TBC1D22A: variants seen among roughly 807,000 people sequenced by gnomAD.
TBC1D22A encodes the protein putative GTPase activator.
TBC1D22A carries 38 observed loss-of-function variants against 60.2 expected under a neutral mutation model. That is an observed-to-expected ratio of 0.63 (90% CI 0.49 to 0.83). The LOEUF (loss-of-function observed/expected upper bound fraction) is 0.83. Among genes scored for constraint, TBC1D22A ranks in the 40% least tolerant of loss-of-function variants. The pLI is 0.00. For synonymous variants in TBC1D22A, 302 were observed against 281.7 expected, an observed-to-expected ratio of 1.07 and a Z score of -0.72; for missense variants, 628 against 701.0, an observed-to-expected ratio of 0.90 and a Z score of 1.18.
chr22:46,994,566 TCG>T, intron 9 of TBC1D22A, among the ~76,000 whole-genome samples: 1 of 152,328 alleles, frequency 6.6e-6, no homozygotes, highest in South Asian at 2.1e-4. Context: ...GTGGAAGAGA[TCG>T]CAGTCCCTCA....
chr22:47,136,088 T>A (rs2066860517), intron 12 of TBC1D22A, among the ~76,000 whole-genome samples: 1 of 152,176 alleles, frequency 6.6e-6, no homozygotes, highest in East Asian at 1.9e-4. Flanking sequence ...GAACCTCACG[T>A]ACGGAGGGAA....
chr22:46,915,445 A>G (rs774230914), intron 8 of TBC1D22A: 4 of 456,688 alleles, frequency 8.8e-6, no homozygotes, highest in South Asian at 6.2e-5. Flanking sequence ...AGCACCTGCC[A>G]GTCCTTGGGC....
intron 8 of TBC1D22A, among the ~76,000 whole-genome samples, chr22:46,970,708 T>C (rs999896018): frequency 2.0e-5 from 3 of 152,168 alleles, no homozygotes; most frequent in African/African-American, 7.2e-5. Context: ...CTGTCATGGG[T>C]GTTGGCCATC....
At chr22:47,112,527 A>G (rs574003682) in intron 12 of TBC1D22A, among the ~76,000 whole-genome samples, 23 of 152,236 alleles carry the variant, frequency 1.5e-4, no homozygotes, top group African/African-American at 4.8e-4. Flanking sequence ...AAGCATCCCT[A>G]TTCCTTCCGA....
intron 4 of TBC1D22A, among the ~76,000 whole-genome samples, chr22:46,810,715 A>G (rs973031596): frequency 2.6e-5 from 4 of 152,196 alleles, no homozygotes; most frequent in African/African-American, 9.7e-5. Flanking sequence ...GCAGATATTT[A>G]AGCTTTGGGA....
chr22:46,938,490 T>C (rs1330654879), intron 8 of TBC1D22A, among the ~76,000 whole-genome samples: 1 of 141,944 alleles, frequency 7.0e-6, no homozygotes, highest in Non-Finnish European at 1.5e-5. Flanking sequence ...GGCTGCATGA[T>C]CACATCTTAA....
intron 12 of TBC1D22A, among the ~76,000 whole-genome samples, chr22:47,114,064 T>C (rs575944936): frequency 2.6e-5 from 4 of 152,288 alleles, no homozygotes; most frequent in East Asian, 1.9e-4. Context: ...CCGCAGCTCA[T>C]TGGGCTTTTC....
At chr22:47,011,423 T>C (rs1341544398) in intron 10 of TBC1D22A, among the ~76,000 whole-genome samples, 2 of 152,216 alleles carry the variant, frequency 1.3e-5, no homozygotes, top group Non-Finnish European at 2.9e-5. Context: ...GAAGGTCGAA[T>C]GTGCCCTTTT....
intron 4 of TBC1D22A, among the ~76,000 whole-genome samples, chr22:46,876,054 A>G (rs2067546925): frequency 6.6e-6 from 1 of 152,184 alleles, no homozygotes; most frequent in African/African-American, 2.4e-5. Context: ...ATGGGCCCTG[A>G]GAGCTGCATG....
At chr22:46,897,297 C>G (rs1024326272) in intron 7 of TBC1D22A, among the ~76,000 whole-genome samples, 1 of 152,090 alleles carries the variant, frequency 6.6e-6, no homozygotes. Context: ...GGTTTCCCAT[C>G]GGTTACTTAG....
intron 12 of TBC1D22A, among the ~76,000 whole-genome samples, chr22:47,136,747 G>A (rs959089102): frequency 3.9e-5 from 6 of 152,238 alleles, no homozygotes; most frequent in African/African-American, 1.4e-4. Context: ...GCTGAGGTGA[G>A]CAAGGACAGT....
chr22:47,143,957 G>C (rs2067200663), intron 12 of TBC1D22A, among the ~76,000 whole-genome samples: 1 of 152,210 alleles, frequency 6.6e-6, no homozygotes, highest in Non-Finnish European at 1.5e-5. Context: ...CCTGTGTCCT[G>C]CTGGGCTGGC....
At chr22:47,095,093 G>A (rs752014948) in intron 11 of TBC1D22A, among the ~76,000 whole-genome samples, 5 of 152,266 alleles carry the variant, frequency 3.3e-5, no homozygotes, top group African/African-American at 7.2e-5. Flanking sequence ...TAAACGTGGG[G>A]ATGTTGGCGT....
At chr22:47,135,927 C>T (rs1457695130) in intron 12 of TBC1D22A, among the ~76,000 whole-genome samples, 14 of 152,142 alleles carry the variant, frequency 9.2e-5, no homozygotes, top group Non-Finnish European at 1.9e-4. Context: ...TGTGCCAGGA[C>T]CACCCGGACA....
chr22:46,934,597 C>T (rs553679297), intron 8 of TBC1D22A, among the ~76,000 whole-genome samples: 6 of 152,336 alleles, frequency 3.9e-5, no homozygotes, highest in East Asian at 3.9e-4. Flanking sequence ...CTTCATAAGA[C>T]GGCAAGGACT....
intron 10 of TBC1D22A, among the ~76,000 whole-genome samples, chr22:47,015,283 G>A (rs1199500368): frequency 6.6e-6 from 1 of 152,214 alleles, no homozygotes; most frequent in Admixed American, 6.5e-5. Flanking sequence ...CTAGAGGAGT[G>A]CGAGACTCCC....
intron 9 of TBC1D22A, among the ~76,000 whole-genome samples, chr22:46,989,759 T>TCACAAACACA (rs2074864876): frequency 6.8e-6 from 1 of 146,068 alleles, no homozygotes; most frequent in African/African-American, 2.5e-5. Context: ...TGTGACAGAG[T>TCACAAACACA]CACACACACA....
chr22:46,935,627 G>T (rs958291228), intron 8 of TBC1D22A, among the ~76,000 whole-genome samples: 1 of 152,208 alleles, frequency 6.6e-6, no homozygotes, highest in Non-Finnish European at 1.5e-5. Flanking sequence ...GAGTCTTGCA[G>T]CGGTCACTTC....
chr22:46,935,433 C>T (rs560759059), intron 8 of TBC1D22A, among the ~76,000 whole-genome samples: 7 of 152,274 alleles, frequency 4.6e-5, no homozygotes, highest in African/African-American at 1.7e-4. Context: ...AATTCAGATG[C>T]ACCCCCACTC....
Sources: allele counts gnomAD v4.1 joint callset (sites outside exome capture counted in the v4.1 genomes callset), GRCh38; gene constraint gnomAD v4.1.1; transcripts MANE v1.5; gene names NCBI Gene and HGNC (gene_info 2026-07-23, HGNC 2026-07-21).